The following SPG11 variants were observed in gnomAD, a reference collection of about 807,000 sequenced individuals.
SPG11 encodes spatacsin.
Under a neutral mutation model 274.0 loss-of-function variants are expected in SPG11, and 222 were observed. That is an observed-to-expected ratio of 0.81 (90% confidence interval 0.73 to 0.91). The LOEUF is 0.91. Among genes scored for constraint, SPG11 ranks in the 40% least tolerant of loss-of-function variants. The pLI, the probability that SPG11 is intolerant of heterozygous loss-of-function variation, is 0.00. For missense variants in SPG11, 3,114 were observed against 2,872.7 expected, an observed-to-expected ratio of 1.08 and a Z score of -1.92; for synonymous variants, 1,144 against 1,039.7, an observed-to-expected ratio of 1.10 and a Z score of -1.93.
chr15:44,638,210 C>T (rs944864705), intron 7 of SPG11, among the ~76,000 whole-genome samples: 1 of 152,070 alleles, frequency 6.6e-6, no homozygotes, highest in Admixed American at 6.6e-5. Context: ...GCCTGTAATC[C>T]CAACACTTTG....
Position 44,569,404 on chromosome 15 carries a change from C to A in SPG11, c.6579G>T (p.Leu2193Phe). The A allele has an allele frequency of 6.2e-7, 1 of 1,600,580 alleles. No individual in the cohort carries two copies. Among genetic ancestry groups the A allele is most frequent in the Non-Finnish European group, 8.5e-7 (1 of 1,172,232 alleles). The change falls in exon 35 of 40, where the codon TTG (leucine) becomes TTT (phenylalanine). Residue 2193 changes from leucine to phenylalanine, a missense_variant. Coordinates refer to ENST00000261866, the MANE Select transcript of SPG11 (RefSeq NM_025137.4). ...CTCATTACTTTGCACCTACCGGATC[C>A]AACTTCTTCCTCATTAGCACTTCAA... is the stretch of plus-strand genomic sequence containing the variant. ...HYFEVLMRKK[L>F]DPSGTLKTAL...
At chr15:44,582,373 C>G (rs1490170166) in intron 30 of SPG11, among the ~76,000 whole-genome samples, 3 of 152,108 alleles carry the variant, frequency 2.0e-5, no homozygotes, top group Non-Finnish European at 4.4e-5. Context: ...TATAGTGGAA[C>G]CCCATCTCTA....
intron 18 of SPG11, among the ~76,000 whole-genome samples, chr15:44,610,219 T>A (rs2083426811): frequency 1.3e-5 from 2 of 150,204 alleles, no homozygotes; most frequent in African/African-American, 2.4e-5. Context: ...AGCTAATTTT[T>A]AAATTTTTTT....
In SPG11 at chr15:44,660,762, C is replaced by G. The variant is rs2085081938; in HGVS notation, c.258-146G>C. On this transcript the variant is annotated intron_variant, in intron 1 of 39. Coordinates refer to ENST00000261866, the MANE Select transcript of SPG11 (RefSeq NM_025137.4). ...ACACTTCAATCTAAGAGAACATAAA[C>G]TGCTCTAGGACCTCCCTCCTCTTCC... 3.8e-6 allele frequency: 3 copies of G among 785,328 alleles called. No homozygotes were observed. The Admixed American group carries it at 6.6e-5, about 17-fold the overall frequency. The allele number at this position is 785,328 out of a possible 1,614,324, so 48.6% of individuals were successfully genotyped here.
Position 44,589,244 on chromosome 15 carries a change from T to C in SPG11, c.4906+8A>G. 1 of 1,613,476 alleles carries C rather than the reference T, an allele frequency of 6.2e-7. No homozygotes were observed. The highest frequency in any genetic ancestry group is 8.5e-7 in the Non-Finnish European group (1 of 1,179,902). Reference sequence around the variant, plus strand: ...TTAATAGCAACTTAACTGTAAGGATTGTCTTACCATCAGAGAAGAGATGCT... The same window carrying C: ...TTAATAGCAACTTAACTGTAAGGATCGTCTTACCATCAGAGAAGAGATGCT... On this transcript the variant is annotated splice_region_variant and intron_variant, in intron 28 of 39. Transcript: ENST00000261866.
chr15:44,651,635 G>A lies in SPG11; in HGVS notation c.1312C>T (p.Leu438=), dbSNP rs755258788. 5.6e-6 allele frequency: 9 copies of A among 1,614,088 alleles called. 1 individual carries two copies. In the South Asian group the frequency reaches 9.9e-5, roughly 18 times the overall value. ...KCVSVTGFTA[L]FTWEVERMGY... ...ATCCTTTCCACTTCCCAAGTAAACA[G>A]TGCAGTGAATCCTGTCACAGACACA... The change falls in exon 6 of 40, where the codon CTG becomes TTG. Residue 438 remains leucine (L), a synonymous_variant. Transcript: ENST00000261866.
chr15:44,609,653 A>C (rs1433688723), intron 18 of SPG11, among the ~76,000 whole-genome samples: 1 of 152,056 alleles, frequency 6.6e-6, no homozygotes, highest in African/African-American at 2.4e-5. Context: ...TCTGAAAACA[A>C]ATCTGGAGTA....
Position 44,652,254 on chromosome 15 carries a change from T to TC in SPG11, c.881dup (p.His295ThrfsTer5). The TC allele has an allele frequency of 6.2e-7, 1 of 1,614,064 alleles. No individual in the cohort carries two copies. Among genetic ancestry groups the TC allele is most frequent in the East Asian group, 2.2e-5 (1 of 44,858 alleles). ...CTAGTATTCTTTCACACAGTAGGTGTCCTGGGTGTTGCCTACATTTAAAAA... is the reference window on the plus strand; with the variant it reads ...CTAGTATTCTTTCACACAGTAGGTGTCCCTGGGTGTTGCCTACATTTAAAAA... On this transcript the variant is annotated frameshift_variant, in exon 5 of 40. Transcript: ENST00000261866. LOFTEE classifies it high-confidence loss of function.
At chr15:44,604,788 C>A (rs528849853) in intron 20 of SPG11, among the ~76,000 whole-genome samples, 3 of 151,346 alleles carry the variant, frequency 2.0e-5, no homozygotes, top group Non-Finnish European at 4.4e-5. Flanking sequence ...ATTAGCCAGG[C>A]GTGGTGGTGG....
rs1567172748 is a variant in SPG11 at position 44,626,391 on chromosome 15, C to G, written c.2184G>C (p.Leu728Phe). 2.5e-6 allele frequency: 4 copies of G among 1,613,436 alleles called. No homozygotes were observed. The highest frequency in any genetic ancestry group is 3.4e-6 in the Non-Finnish European group (4 of 1,179,876). Residue 728 changes from leucine (L) to phenylalanine (F), a missense_variant, in exon 11 of 40, where the codon TTG becomes TTC. Leu to Phe is a conservative substitution (Grantham distance 22). Transcript: ENST00000261866. ...TGTTCTTTTTTAAATTGTCAAAGAC[C>G]AAATTTAGGCCTATGCCAATAAGCT... ...LEELIGIGLN[L>F]VFDNLKKNNI... is the part of the protein sequence containing the mutation.
intron 35 of SPG11, among the ~76,000 whole-genome samples, chr15:44,568,278 G>A (rs2082349205): frequency 1.3e-5 from 2 of 152,192 alleles, no homozygotes; most frequent in African/African-American, 2.4e-5. Context: ...ATATTTAAAT[G>A]CAGAAGGAAA....
chr15:44,626,470 G>C lies in SPG11; in HGVS notation c.2105C>G (p.Pro702Arg). 6.2e-7 allele frequency: 1 copy of C among 1,613,874 alleles called. No homozygotes were observed. The highest frequency in any genetic ancestry group is 8.5e-7 in the Non-Finnish European group (1 of 1,179,948). Residue 702 changes from proline (P) to arginine (R), a missense_variant, in exon 11 of 40, where the codon CCA becomes CGA. Transcript: ENST00000261866. ...AATCCTGAAGAAAGTCTGTGCCTCT[G>C]GTATTTTGTTGTTTAAAATGGCGCT... ...IASAILNNKIPEAQTFFRIDS... is the reference protein window; with the variant it reads ...IASAILNNKIREAQTFFRIDS...
intron 11 of SPG11, 44 bp downstream of exon 11, chr15:44,626,287 T>G: frequency 6.7e-7 from 1 of 1,497,468 alleles, no homozygotes; most frequent in African/African-American, 1.4e-5. Context: ...TAACTAGAAA[T>G]TATATTAAAT....
rs568447274 is a variant in SPG11 at position 44,625,071 on chromosome 15, G to A, written c.2244+1260C>T. ...AATCGTTTGAACCTGGGAGGTGGAA[G>A]TTTTGTGAGCCAAGATCGCACCATT... On this transcript the variant is annotated intron_variant, in intron 11 of 39. Coordinates refer to ENST00000261866, the MANE Select transcript of SPG11 (RefSeq NM_025137.4). Among the ~76,000 whole-genome samples the A allele has an allele frequency of 7.8e-4, 116 of 148,160 alleles. 1 individual carries two copies. Among genetic ancestry groups the A allele is most frequent in the African/African-American group, 2.7e-3 (111 of 40,452 alleles).
Position 44,565,938 on chromosome 15 carries a change from C to G in SPG11, c.6915G>C (p.Leu2305=). The G allele has an allele frequency of 6.2e-7, 1 of 1,613,954 alleles. No individual in the cohort carries two copies. Among genetic ancestry groups the G allele is most frequent in the Non-Finnish European group, 8.5e-7 (1 of 1,180,006 alleles). ...TGAGCATTGTGTTCTGGCCAGTGTT[C>G]AGAAAGTGAATCTGCAGAGTTATCA... is the stretch of plus-strand genomic sequence containing the variant. ...TKLITLQIHF[L]NTGQNTMLIN... Residue 2305 remains leucine (L), a synonymous_variant, in exon 38 of 40, where the codon CTG becomes CTC. Coordinates refer to ENST00000261866, the MANE Select transcript of SPG11 (RefSeq NM_025137.4).
intron 20 of SPG11, 31 bp downstream of exon 20, chr15:44,605,994 C>G: frequency 1.3e-6 from 2 of 1,584,530 alleles, no homozygotes; most frequent in Non-Finnish European, 1.7e-6. Context: ...ACTGCTAAAA[C>G]ATGTCTCAAG....
Position 44,622,058 on chromosome 15 carries a change from A to T in SPG11, c.2445-124T>A, listed in dbSNP as rs561154665. 9.4e-6 allele frequency: 11 copies of T among 1,164,412 alleles called. No homozygotes were observed. In the African/African-American group the frequency reaches 1.7e-4, roughly 18 times the overall value. 72.1% of individuals were successfully genotyped at this position (1,164,412 alleles called of 1,614,324 possible). On this transcript the variant is annotated intron_variant, in intron 13 of 39. Transcript: ENST00000261866. The stretch of plus-strand genomic sequence containing the variant: ...ATAATTCTGATTATGCAAATATTAA[A>T]ATGACAGAAAACTCTCGAGTCCCTT...
At chr15:44,564,066 T>G (rs2140910231) in intron 39 of SPG11, among the ~76,000 whole-genome samples, 1 of 152,238 alleles carries the variant, frequency 6.6e-6, no homozygotes, top group Non-Finnish European at 1.5e-5. Flanking sequence ...CGATCTCAGC[T>G]TACTGCAGCC....
chr15:44,630,262 T>A (rs1268528436), intron 8 of SPG11, among the ~76,000 whole-genome samples: 1 of 152,178 alleles, frequency 6.6e-6, no homozygotes, highest in Admixed American at 6.5e-5. Context: ...ATCTGTGAGA[T>A]GTATGAGAAT....
Sources: allele counts gnomAD v4.1 joint callset (sites outside exome capture counted in the v4.1 genomes callset), GRCh38; gene constraint gnomAD v4.1.1; transcripts MANE v1.5; gene names NCBI Gene and HGNC (gene_info 2026-07-23, HGNC 2026-07-21).